DIP2C: variants seen among roughly 807,000 people sequenced by gnomAD.
DIP2C encodes disco-interacting protein 2 homolog C.
DIP2C carries 33 observed loss-of-function variants against 192.4 expected under a neutral mutation model. The ratio of observed to expected loss-of-function variants is 0.17; its 90% CI spans 0.13 to 0.23. The LOEUF is 0.23. DIP2C is among the 10% of genes least tolerant of loss of function. The probability of loss-of-function intolerance (pLI) is 1.00; values close to 1 mark genes in which losing one functional copy is unlikely to be tolerated. For missense variants in DIP2C, 1,537 were observed against 2,110.1 expected (o/e 0.73, Z 5.32); for synonymous variants, 979 against 864.1 (o/e 1.13, Z -2.33).
intron 1 of DIP2C, among the ~76,000 whole-genome samples, chr10:532,089 G>A (rs1203547149): frequency 1.3e-5 from 2 of 152,118 alleles, no homozygotes; most frequent in Admixed American, 6.5e-5. Context: ...AAGTGACTGA[G>A]TGCTCCCTCC....
intron 1 of DIP2C, chr10:650,806 A>G (rs1192901164): frequency 4.3e-6 from 3 of 690,590 alleles, no homozygotes; most frequent in African/African-American, 3.5e-5. Flanking sequence ...CTGATCCACC[A>G]TGGAACCCAG....
At chr10:304,858 A>C (rs979800179) in intron 32 of DIP2C, among the ~76,000 whole-genome samples, 6 of 152,020 alleles carry the variant, frequency 3.9e-5, no homozygotes, top group African/African-American at 1.4e-4. Context: ...TACCACATAC[A>C]GGCACCCACC....
rs114866301 is a variant in DIP2C, at chr10:545,948, A to G, written c.86-59418T>C. Among the ~76,000 whole-genome samples, 820 of 152,316 alleles carry G rather than the reference A, an allele frequency of 5.4e-3. 8 individuals carry two copies. Among genetic ancestry groups the G allele is most frequent in the African/African-American group, 0.018 (769 of 41,572 alleles). On this transcript the variant is annotated intron_variant, in intron 1 of 36. Coordinates refer to ENST00000280886, the MANE Select transcript of DIP2C (RefSeq NM_014974.3). ...GGTGGTTTTCAAACTTTTGGGTCTC[A>G]GGAACCCTTTACAGTTTATTAAAGA...
At chr10:294,273 C>CG (rs1037010322) in intron 32 of DIP2C, among the ~76,000 whole-genome samples, 2 of 152,052 alleles carry the variant, frequency 1.3e-5, no homozygotes, top group Non-Finnish European at 2.9e-5. Context: ...ACGCTAATCC[C>CG]GAGCACAGAC....
intron 18 of DIP2C, among the ~76,000 whole-genome samples, chr10:367,507 G>A (rs1298802528): frequency 6.6e-6 from 1 of 152,184 alleles, no homozygotes; most frequent in Non-Finnish European, 1.5e-5. Flanking sequence ...TAACACGGTG[G>A]GTAAGGAGTG....
chr10:463,779 T>TG (rs1244426725), intron 3 of DIP2C, among the ~76,000 whole-genome samples: 1 of 152,178 alleles, frequency 6.6e-6, no homozygotes, highest in Non-Finnish European at 1.5e-5. Flanking sequence ...AGCATGGTAC[T>TG]GGTACCAAAA....
At chr10:416,714 T>C (rs1965660922) in intron 6 of DIP2C, among the ~76,000 whole-genome samples, 1 of 152,044 alleles carries the variant, frequency 6.6e-6, no homozygotes, top group Admixed American at 6.6e-5. Context: ...GATAAATAAA[T>C]CAAATGAACA....
At chr10:449,460 C>T (rs1313132870) in intron 3 of DIP2C, among the ~76,000 whole-genome samples, 3 of 152,018 alleles carry the variant, frequency 2.0e-5, no homozygotes, top group East Asian at 1.9e-4. Context: ...GCCAAAGTCA[C>T]GGTACTTTCC....
intron 1 of DIP2C, chr10:662,012 C>T (rs1189015315): frequency 1.4e-6 from 1 of 713,980 alleles, no homozygotes; most frequent in South Asian, 1.5e-5. Flanking sequence ...CTCGCCATGG[C>T]GAGTGCCCCG....
At chr10:530,645 C>G (rs965788158) in intron 1 of DIP2C, among the ~76,000 whole-genome samples, 1 of 115,936 alleles carries the variant, frequency 8.6e-6, no homozygotes, top group Non-Finnish European at 1.7e-5. Flanking sequence ...CAGCAAGACC[C>G]TATCTCTTAA....
At chr10:574,692 CCA>C (rs1429666059) in intron 1 of DIP2C, among the ~76,000 whole-genome samples, 1 of 152,210 alleles carries the variant, frequency 6.6e-6, no homozygotes, top group Non-Finnish European at 1.5e-5. Context: ...TTTGCCATAA[CCA>C]CAGAGGTGTT....
rs1469628615 is a variant in DIP2C, at chr10:348,715, C to T, written c.3157G>A (p.Val1053Met). The T allele has an allele frequency of 1.2e-6, 2 of 1,614,020 alleles. No individual in the cohort carries two copies. Among genetic ancestry groups the T allele is most frequent in the South Asian group, 2.2e-5 (2 of 91,072 alleles). The change falls in exon 26 of 37, where the codon GTG becomes ATG. Residue 1053 changes from valine to methionine, a missense_variant. This residue lies in a region of DIP2C where 677 missense variants were observed against 989.9 expected (regional missense o/e 0.68). Coordinates refer to ENST00000280886, the MANE Select transcript of DIP2C (RefSeq NM_014974.3). ...TGCGGGGGACGGACGGTTATTGGCA[C>T]ACAGCCTGCGTACAGGCAACCATAA... ...AFYGCLYAGC[V>M]PITVRPPHPQ...
intron 1 of DIP2C, among the ~76,000 whole-genome samples, chr10:578,109 CCT>C (rs1367620123): frequency 6.6e-6 from 1 of 152,048 alleles, no homozygotes; most frequent in African/African-American, 2.4e-5. Context: ...CCTTATTTTC[CCT>C]GTTTACTCGA....
intron 35 of DIP2C, among the ~76,000 whole-genome samples, chr10:282,497 G>A (rs1954882498): frequency 6.6e-6 from 1 of 152,208 alleles, no homozygotes; most frequent in East Asian, 1.9e-4. Flanking sequence ...TCATCTCCCT[G>A]AGGTTTTGGT....
intron 1 of DIP2C, among the ~76,000 whole-genome samples, chr10:602,388 G>A (rs981131088): frequency 6.6e-6 from 1 of 152,188 alleles, no homozygotes; most frequent in Admixed American, 6.5e-5. Flanking sequence ...GCAGAGCAAT[G>A]GCTCTGGCCT....
rs577655067 is a variant in DIP2C, at chr10:652,164, A to G, written c.85+37330T>C. Reference sequence around the variant, plus strand: ...AATCTTAGCATGAGCAGCACGATAAACAGAATGAGCAAAATTCAAAAACTA... The same window carrying G: ...AATCTTAGCATGAGCAGCACGATAAGCAGAATGAGCAAAATTCAAAAACTA... On this transcript the variant is annotated intron_variant, in intron 1 of 36. Transcript: ENST00000280886. The surrounding 1 kb of genome is among the most constrained non-coding windows in gnomAD (Gnocchi z 4.5). 15 of 162,530 alleles carry G rather than the reference A, an allele frequency of 9.2e-5. 1 individual carries two copies. In the South Asian group the frequency reaches 2.1e-3, roughly 23 times the overall value. 10.1% of individuals were successfully genotyped at this position (162,530 alleles called of 1,614,324 possible). A position where few individuals can be genotyped will look rare whatever the true frequency, so the allele number is the denominator to read the frequency against.
At chr10:605,726 A>ATCCT (rs1374114522) in intron 1 of DIP2C, among the ~76,000 whole-genome samples, 2 of 152,360 alleles carry the variant, frequency 1.3e-5, no homozygotes, top group African/African-American at 4.8e-5. Context: ...CAGGTCACTT[A>ATCCT]ACCAGCCACC....
rs371647406 is a variant in DIP2C at position 588,820 on chromosome 10, G to A, written c.85+100674C>T. ...ACAAGAGCCCCCATGTTCAACATCT[G>A]GACACAGTTTTTCTTGAACATCAGC... On this transcript the variant is annotated intron_variant, in intron 1 of 36. Transcript: ENST00000280886. 7.3e-4 allele frequency among the ~76,000 whole-genome samples: 111 copies of A among 152,300 alleles called. 1 individual carries two copies. The East Asian group carries it at 0.019, about 26-fold the overall frequency.
intron 1 of DIP2C, among the ~76,000 whole-genome samples, chr10:656,738 G>A (rs568935710): frequency 6.6e-6 from 1 of 152,258 alleles, no homozygotes; most frequent in South Asian, 2.1e-4. Flanking sequence ...TGTTGAAGGA[G>A]TGACAGGAAG....
Sources: allele counts gnomAD v4.1 joint callset (sites outside exome capture counted in the v4.1 genomes callset), GRCh38; gene constraint gnomAD v4.1.1; regional missense constraint gnomAD v4.1.1; non-coding constraint Gnocchi (gnomAD v3.1); transcripts MANE v1.5; gene names NCBI Gene and HGNC (gene_info 2026-07-23, HGNC 2026-07-21).